Variants in TSC2 observed in about 807,000 individuals in gnomAD.
TSC2 encodes TSC complex subunit 2.
A neutral mutation model predicts 202.2 loss-of-function variants in TSC2; 29 were observed. The ratio of observed to expected loss-of-function variants is 0.14; its 90% CI spans 0.11 to 0.20. The LOEUF is 0.20. Among genes scored for constraint, TSC2 ranks in the 10% least tolerant of loss-of-function variants. The pLI is 1.00. For synonymous variants in TSC2, 1,349 were observed against 1,044.0 expected (o/e 1.29, Z -5.63); for missense variants, 2,429 against 2,420.0 (o/e 1.00, Z -0.08).
At position 2,086,189 on chromosome 16, in the gene TSC2, A is replaced by T. The variant is rs1596437939; in HGVS notation, c.4663-4A>T. Reference sequence around the variant, plus strand: ...GCCACCCTGCCTCTCCCCTCTCCCCACAGAGCAACAGCGAGCTCGCCATCC... The same window carrying T: ...GCCACCCTGCCTCTCCCCTCTCCCCTCAGAGCAACAGCGAGCTCGCCATCC... On this transcript the variant is annotated splice_polypyrimidine_tract_variant and splice_region_variant and intron_variant, in intron 36 of 41. Transcript: ENST00000219476. 2 of 1,611,754 alleles carry T rather than the reference A, an allele frequency of 1.2e-6. No individual in the cohort carries two copies.
intron 6 of TSC2, 195 bp from the exon 7 acceptor site, chr16:2,056,001 C>T (rs2085762273): frequency 1.5e-6 from 1 of 682,916 alleles, no homozygotes; most frequent in Non-Finnish European, 2.7e-6. Flanking sequence ...AGCTCTGTCT[C>T]ACTCATGCTG....
At chr16:2,056,545 G>C in intron 7 of TSC2, 99 bp from the exon 8 acceptor site, 1 of 1,523,224 alleles carries the variant, frequency 6.6e-7, no homozygotes, top group Non-Finnish European at 8.8e-7. Context: ...GGGAGAGGTG[G>C]CAGCGCAGGC....
At position 2,061,713 on chromosome 16, in the gene TSC2, G is replaced by A. The variant is rs541569522; in HGVS notation, c.1120-158G>A. 6 of 1,231,308 alleles carry A rather than the reference G, an allele frequency of 4.9e-6. No homozygotes were observed. In the Admixed American group the frequency reaches 7.8e-5, roughly 16 times the overall value. The allele number at this position is 1,231,308 out of a possible 1,614,324, so 76.3% of individuals were successfully genotyped here. ...GGTGTCTCAACCCATGAGGCCCGGA[G>A]CGGCCTCAGAGGGCTGGGGGCGTCT... On this transcript the variant is annotated intron_variant, in intron 11 of 41. Transcript: ENST00000219476.
Position 2,062,127 on chromosome 16 carries a change from C to G in TSC2, c.1257+119C>G, listed in dbSNP as rs2086716751. 4 of 1,433,204 alleles carry G rather than the reference C, an allele frequency of 2.8e-6. No homozygotes were observed. The African/African-American group carries it at 5.6e-5, about 20-fold the overall frequency. The allele number at this position is 1,433,204 out of a possible 1,614,324, so 88.8% of individuals were successfully genotyped here. ...AAGGGCCAGGTGGGCGCCTGCTTTC[C>G]AGGTTTCTGCACTCGGCAGGGAAGG... On this transcript the variant is annotated intron_variant, in intron 12 of 41. Transcript: ENST00000219476.
intron 32 of TSC2, chr16:2,082,982 C>G (rs570397319): frequency 7.6e-6 from 3 of 393,216 alleles, no homozygotes; most frequent in East Asian, 7.2e-5. Context: ...CCCCCAAGCC[C>G]TGGTGGGGAG....
chr16:2,067,336 A>G (rs1476313532), intron 16 of TSC2, among the ~76,000 whole-genome samples: 1 of 151,452 alleles, frequency 6.6e-6, no homozygotes, highest in African/African-American at 2.4e-5. Flanking sequence ...TAATTTTTTC[A>G]TTTTTTGTAG....
At chr16:2,054,015 G>T (rs1415405898) in intron 4 of TSC2, 2 of 522,138 alleles carry the variant, frequency 3.8e-6, no homozygotes, top group Non-Finnish European at 7.0e-6. Context: ...GAGTGCAGGG[G>T]TCGGGCAGGA....
At chr16:2,054,892 G>A (rs1025639008) in intron 5 of TSC2, 3 of 332,028 alleles carry the variant, frequency 9.0e-6, no homozygotes, top group Non-Finnish European at 1.7e-5. Context: ...GAAAGAGGAG[G>A]AAGAGATCGG....
chr16:2,064,322 G>A lies in TSC2; in HGVS notation c.1494G>A (p.Glu498=), dbSNP rs780112077. ...TCTCGCAGCTCTCCCACATCCCCGAGGATAAAGACCACCAGGTCCGAAAGC... is the reference window on the plus strand; with the variant it reads ...TCTCGCAGCTCTCCCACATCCCCGAAGATAAAGACCACCAGGTCCGAAAGC... ...VVISQLSHIP[E]DKDHQVRKLA... Residue 498 remains glutamate (E), a synonymous_variant, in exon 15 of 42, where the codon GAG becomes GAA. Coordinates refer to ENST00000219476, the MANE Select transcript of TSC2 (RefSeq NM_000548.5). 6 of 1,613,736 alleles carry A rather than the reference G, an allele frequency of 3.7e-6. No individual in the cohort carries two copies. Among genetic ancestry groups the A allele is most frequent in the African/African-American group, 1.3e-5 (1 of 74,938 alleles).
chr16:2,077,595 T>C lies in TSC2; in HGVS notation c.2838-3T>C, dbSNP rs553942147. The C allele has an allele frequency of 3.1e-6, 5 of 1,612,874 alleles. No homozygotes were observed. The South Asian group carries it at 5.5e-5, about 18-fold the overall frequency. On this transcript the variant is annotated splice_region_variant and splice_polypyrimidine_tract_variant and intron_variant, in intron 25 of 41. Coordinates refer to ENST00000219476, the MANE Select transcript of TSC2 (RefSeq NM_000548.5). ...GCGTTGGGGCTCCTTCCTCACCCGA[T>C]AGTCTGAGGATAGCCAGACCCCCCA...
intron 9 of TSC2, 72 bp downstream of exon 9, chr16:2,057,250 C>T: frequency 6.6e-7 from 1 of 1,515,658 alleles, no homozygotes; most frequent in African/African-American, 1.4e-5. Flanking sequence ...GTGTCCCTTG[C>T]CAAGCACACA....
Position 2,079,801 on chromosome 16 carries a change from C to G in TSC2, c.3397+132C>G. The G allele has an allele frequency of 1.4e-5, 12 of 876,148 alleles. 2 individuals are homozygous for G. The South Asian group carries it at 2.1e-4, about 15-fold the overall frequency. 54.3% of individuals were successfully genotyped at this position (876,148 alleles called of 1,614,324 possible). A position where few individuals can be genotyped will look rare whatever the true frequency, so the allele number is the denominator to read the frequency against. On this transcript the variant is annotated intron_variant, in intron 29 of 41. Transcript: ENST00000219476. The surrounding 1 kb of genome is among the most constrained non-coding windows in gnomAD (Gnocchi z 4.6). ...TTCAGGCCCGGCCCACGTCCTGACTCTGGGGTGAGCCTTCCACAGCTCACC... is the reference window on the plus strand; with the variant it reads ...TTCAGGCCCGGCCCACGTCCTGACTGTGGGGTGAGCCTTCCACAGCTCACC...
intron 19 of TSC2, 85 bp from the exon 20 acceptor site, chr16:2,072,156 C>G: frequency 6.2e-7 from 1 of 1,603,952 alleles, no homozygotes; most frequent in Non-Finnish European, 8.5e-7. Context: ...CGCTGTGCAG[C>G]CACAAAGCAG....
At position 2,070,352 on chromosome 16, in the gene TSC2, C is replaced by T. The variant is rs773320629; in HGVS notation, c.1717-104C>T. ...TGAAGGTCGTGTGTTTTGAAGCACG[C>T]ACTCTAGAGCAGCCGCCCCGGCCCC... On this transcript the variant is annotated intron_variant, in intron 16 of 41. Coordinates refer to ENST00000219476, the MANE Select transcript of TSC2 (RefSeq NM_000548.5). The T allele has an allele frequency of 3.8e-5, 61 of 1,594,730 alleles. No homozygotes were observed. In the Middle Eastern group the frequency reaches 5.2e-4, roughly 14 times the overall value.
chr16:2,059,342 T>C (rs2086321982), intron 10 of TSC2, among the ~76,000 whole-genome samples: 1 of 146,976 alleles, frequency 6.8e-6, no homozygotes, highest in Admixed American at 6.8e-5. Context: ...CTCTCTCTTT[T>C]TTTTTTTTTT....
chr16:2,088,368 C>G (rs541223334), intron 41 of TSC2, 43 bp downstream of exon 41: 1 of 1,612,374 alleles, frequency 6.2e-7, no homozygotes, highest in South Asian at 1.1e-5. Context: ...GCTGGCTGCC[C>G]AAGCTGTGGG....
intron 30 of TSC2, chr16:2,081,055 G>C (rs1001080537): frequency 5.2e-6 from 1 of 193,322 alleles, no homozygotes; most frequent in Non-Finnish European, 1.1e-5. Flanking sequence ...GGAGGAAACC[G>C]GTCATGGCTT....
chr16:2,077,296 C>T lies in TSC2; in HGVS notation c.2838-302C>T, dbSNP rs1596373105. On this transcript the variant is annotated intron_variant, in intron 25 of 41. Coordinates refer to ENST00000219476, the MANE Select transcript of TSC2 (RefSeq NM_000548.5). ...TTGCCTGGCCAGCACAGCCTGGAAT[C>T]TGCCGTGGGGGTGACCCACACACGT... 5 of 414,660 alleles carry T rather than the reference C, an allele frequency of 1.2e-5. No individual in the cohort carries two copies. In the East Asian group the frequency reaches 2.6e-4, roughly 21 times the overall value. The allele number at this position is 414,660 out of a possible 1,614,324, so 25.7% of individuals were successfully genotyped here. A position where few individuals can be genotyped will look rare whatever the true frequency, so the allele number is the denominator to read the frequency against.
At chr16:2,050,018 C>T (rs1187677297) in intron 2 of TSC2, among the ~76,000 whole-genome samples, 7 of 148,958 alleles carry the variant, frequency 4.7e-5, no homozygotes, top group South Asian at 2.1e-4. Context: ...CGCAGGGGCG[C>T]GATCTCGGCT....
Sources: allele counts gnomAD v4.1 joint callset (sites outside exome capture counted in the v4.1 genomes callset), GRCh38; gene constraint gnomAD v4.1.1; non-coding constraint Gnocchi (gnomAD v3.1); transcripts MANE v1.5; gene names NCBI Gene and HGNC (gene_info 2026-07-23, HGNC 2026-07-21).